CREB5: variants seen among roughly 807,000 people sequenced by gnomAD.
CREB5 encodes cAMP responsive element binding protein 5.
CREB5 carries 19 observed loss-of-function variants against 57.1 expected under a neutral mutation model. That is an observed-to-expected ratio of 0.33 (90% CI 0.23 to 0.49). The LOEUF (loss-of-function observed/expected upper bound fraction) is 0.49, where lower values mean the gene tolerates loss of function less well. Among genes scored for constraint, CREB5 ranks in the 20% least tolerant of loss-of-function variants. The pLI, the probability that CREB5 is intolerant of heterozygous loss-of-function variation, is 0.99. For missense variants in CREB5, 579 were observed against 671.6 expected (o/e 0.86, Z 1.52); for synonymous variants, 238 against 238.3 (o/e 1.00, Z 0.01).
At chr7:28,652,512 G>A (rs1415774781) in intron 5 of CREB5, among the ~76,000 whole-genome samples, 1 of 152,172 alleles carries the variant, frequency 6.6e-6, no homozygotes, top group Non-Finnish European at 1.5e-5. Flanking sequence ...GTGGTAGAGT[G>A]GAAAGAGGCT....
At chr7:28,771,650 A>G (rs1382547908) in intron 7 of CREB5, among the ~76,000 whole-genome samples, 4 of 152,042 alleles carry the variant, frequency 2.6e-5, no homozygotes, top group Admixed American at 2.6e-4. Flanking sequence ...CCTTCCAGAA[A>G]CTTCTAAGTG....
At chr7:28,456,548 G>A (rs1790101174) in intron 1 of CREB5, among the ~76,000 whole-genome samples, 1 of 152,100 alleles carries the variant, frequency 6.6e-6, no homozygotes, top group South Asian at 2.1e-4. Flanking sequence ...CCTGCTAATG[G>A]GGGTACTACT....
At chr7:28,547,033 A>G (rs1794449596) in intron 4 of CREB5, among the ~76,000 whole-genome samples, 1 of 152,228 alleles carries the variant, frequency 6.6e-6, no homozygotes, top group Non-Finnish European at 1.5e-5. Context: ...TGAAGGTAGA[A>G]TATATTTGTT....
At chr7:28,761,588 G>A (rs546833926) in intron 7 of CREB5, among the ~76,000 whole-genome samples, 11 of 152,192 alleles carry the variant, frequency 7.2e-5, no homozygotes, top group Admixed American at 2.6e-4. Context: ...TCTCTTTCAC[G>A]GCATCGTACC....
chr7:28,485,936 G>A (rs548967535), intron 1 of CREB5, among the ~76,000 whole-genome samples: 200 of 152,242 alleles, frequency 1.3e-3, no homozygotes, highest in Non-Finnish European at 4.3e-4. Context: ...AGTGAAATGT[G>A]AGAAGTTATT....
chr7:28,724,575 G>T, intron 7 of CREB5: 1 of 458,866 alleles, frequency 2.2e-6, no homozygotes, highest in Non-Finnish European at 4.0e-6. Context: ...TAGGAGTTTT[G>T]GTAGATCCAT....
At chr7:28,346,123 C>A (rs1232706732) in intron 1 of CREB5, among the ~76,000 whole-genome samples, 1 of 152,124 alleles carries the variant, frequency 6.6e-6, no homozygotes, top group South Asian at 2.1e-4. Flanking sequence ...GTGATCAACA[C>A]CTGTGGAAGG....
At chr7:28,565,018 C>T (rs890688994) in intron 4 of CREB5, among the ~76,000 whole-genome samples, 4 of 152,114 alleles carry the variant, frequency 2.6e-5, no homozygotes, top group Non-Finnish European at 4.4e-5. Flanking sequence ...CTGAGCCCAG[C>T]GAGGTTGAAT....
intron 1 of CREB5, among the ~76,000 whole-genome samples, chr7:28,344,711 C>G (rs1268358874): frequency 1.3e-5 from 2 of 151,412 alleles, no homozygotes; most frequent in Admixed American, 1.3e-4. Flanking sequence ...GACAGAATGG[C>G]TAAGTGGATT....
intron 6 of CREB5, among the ~76,000 whole-genome samples, chr7:28,720,353 T>G (rs531306544): frequency 1.3e-5 from 2 of 152,348 alleles, no homozygotes; most frequent in South Asian, 4.1e-4. Flanking sequence ...ACAGCAATCC[T>G]GTGGGGATAC....
intron 1 of CREB5, among the ~76,000 whole-genome samples, chr7:28,385,341 G>T (rs1282772037): frequency 6.6e-6 from 1 of 152,104 alleles, no homozygotes; most frequent in East Asian, 1.9e-4. Context: ...TCTTCTGCAG[G>T]TTTCTTGACT....
intron 4 of CREB5, among the ~76,000 whole-genome samples, chr7:28,566,855 G>A (rs549878855): frequency 6.6e-6 from 1 of 152,272 alleles, no homozygotes; most frequent in Non-Finnish European, 1.5e-5. Flanking sequence ...TTCCATTTCT[G>A]GTAGAGATCA....
chr7:28,301,421 A>G (rs1785096821), intron 1 of CREB5, among the ~76,000 whole-genome samples: 1 of 152,078 alleles, frequency 6.6e-6, no homozygotes, highest in African/African-American at 2.4e-5. Context: ...TTGTTATTAT[A>G]CATGCAGAGT....
intron 1 of CREB5, among the ~76,000 whole-genome samples, chr7:28,341,582 T>A (rs1231950387): frequency 1.3e-5 from 2 of 152,234 alleles, no homozygotes; most frequent in African/African-American, 2.4e-5. Flanking sequence ...TCGGCTTTCA[T>A]CTTGGCTCAT....
intron 5 of CREB5, among the ~76,000 whole-genome samples, chr7:28,659,232 C>A (rs1336382544): frequency 6.6e-6 from 1 of 151,818 alleles, no homozygotes; most frequent in Non-Finnish European, 1.5e-5. Flanking sequence ...TCTGGAAAGT[C>A]CCTCTCAGCA....
intron 1 of CREB5, among the ~76,000 whole-genome samples, chr7:28,336,531 C>G (rs2127987908): frequency 6.6e-6 from 1 of 152,008 alleles, no homozygotes; most frequent in East Asian, 1.9e-4. Flanking sequence ...TTTCTGGTAT[C>G]AGTTGTAATG....
At chr7:28,803,731 G>A (rs970206271) in intron 7 of CREB5, among the ~76,000 whole-genome samples, 4 of 135,706 alleles carry the variant, frequency 2.9e-5, no homozygotes, top group South Asian at 2.3e-4. Flanking sequence ...ACTCCAGCCT[G>A]AGTGACAGAG....
chr7:28,626,680 G>C (rs187475636), intron 5 of CREB5, among the ~76,000 whole-genome samples: 3 of 152,296 alleles, frequency 2.0e-5, no homozygotes, highest in Admixed American at 2.0e-4. Context: ...AGTGCAAATA[G>C]ATCGTCCTCT....
At chr7:28,623,220 A>G (rs1797870512) in intron 5 of CREB5, among the ~76,000 whole-genome samples, 1 of 152,188 alleles carries the variant, frequency 6.6e-6, no homozygotes, top group African/African-American at 2.4e-5. Context: ...TGGAATGGCA[A>G]CTTATCACTG....
Sources: allele counts gnomAD v4.1 joint callset (sites outside exome capture counted in the v4.1 genomes callset), GRCh38; gene constraint gnomAD v4.1.1; transcripts MANE v1.5; gene names NCBI Gene and HGNC (gene_info 2026-07-23, HGNC 2026-07-21).